RPS6KA2: variants seen among roughly 807,000 people sequenced by gnomAD.
The protein encoded by RPS6KA2 is ribosomal protein S6 kinase alpha-2.
Under a neutral mutation model 91.8 loss-of-function variants are expected in RPS6KA2, and 42 were observed. The ratio of observed to expected loss-of-function variants is 0.46; its 90% confidence interval spans 0.36 to 0.59. RPS6KA2 has a LOEUF of 0.59. Ranked by LOEUF, RPS6KA2 falls within the 20% of genes least tolerant of loss-of-function variation. The pLI, the probability that RPS6KA2 is intolerant of heterozygous loss-of-function variation, is 0.00. For synonymous variants in RPS6KA2, 414 were observed against 393.6 expected (o/e 1.05, Z -0.61); for missense variants, 798 against 978.5 (o/e 0.82, Z 2.46).
intron 2 of RPS6KA2, among the ~76,000 whole-genome samples, chr6:166,854,577 T>C (rs1254520494): frequency 6.6e-6 from 1 of 152,250 alleles, no homozygotes; most frequent in African/African-American, 2.4e-5. Flanking sequence ...TGCTGCTGAC[T>C]TGAATGATTT....
At chr6:166,774,396 C>G (rs979164635) in intron 2 of RPS6KA2, among the ~76,000 whole-genome samples, 14 of 152,214 alleles carry the variant, frequency 9.2e-5, no homozygotes, top group African/African-American at 3.4e-4. Flanking sequence ...TGGACACTTT[C>G]AAGTGGTGCT....
At position 166,533,229 on chromosome 6, in the gene RPS6KA2, A is replaced by G. The variant is rs574310600; in HGVS notation, c.217-1916T>C. Among the ~76,000 whole-genome samples the G allele has an allele frequency of 6.6e-6, 1 of 152,000 alleles. No homozygotes were observed. Among genetic ancestry groups the G allele is most frequent in the East Asian group, 1.9e-4 (1 of 5,176 alleles). On this transcript the variant is annotated intron_variant, in intron 2 of 20. Coordinates refer to ENST00000265678, the MANE Select transcript of RPS6KA2 (RefSeq NM_021135.6). The surrounding 1 kb of genome is among the most constrained non-coding windows in gnomAD (Gnocchi z 4.0). ...ACAGTTTTAGCTTCCATCTGATGCA[A>G]CTCCTTTCATTTCTCCAGCCCGTCC...
intron 12 of RPS6KA2, among the ~76,000 whole-genome samples, chr6:166,453,849 C>G (rs928954051): frequency 6.6e-6 from 1 of 152,170 alleles, no homozygotes. Context: ...TACATATACG[C>G]AATGGAATAC....
chr6:166,682,659 C>G (rs1788864689), intron 2 of RPS6KA2, among the ~76,000 whole-genome samples: 1 of 152,216 alleles, frequency 6.6e-6, no homozygotes, highest in Non-Finnish European at 1.5e-5. Context: ...GAGATAAACA[C>G]TAGCAACAAC....
At chr6:166,560,307 TC>T (rs1262455785) in intron 1 of RPS6KA2, among the ~76,000 whole-genome samples, 1 of 152,240 alleles carries the variant, frequency 6.6e-6, no homozygotes, top group Non-Finnish European at 1.5e-5. Context: ...GGTTTTTATT[TC>T]AAAGAACAAC....
chr6:166,806,560 T>C (rs1380678207), intron 2 of RPS6KA2, among the ~76,000 whole-genome samples: 1 of 152,136 alleles, frequency 6.6e-6, no homozygotes, highest in Admixed American at 6.5e-5. Context: ...AAGAAGAAAT[T>C]AAGACATTCC....
In RPS6KA2 at chr6:166,638,721, C is replaced by T. The variant is rs560235318; in HGVS notation, c.124-99937G>A. On this transcript the variant is annotated intron_variant, in intron 2 of 21. Transcript: ENST00000503859. ...GCGGTAGAGGATGGGTCCCAGGGGACGTCTGGCAGTGTTAGAGACATTTTT... is the reference window on the plus strand; with the variant it reads ...GCGGTAGAGGATGGGTCCCAGGGGATGTCTGGCAGTGTTAGAGACATTTTT... Among the ~76,000 whole-genome samples, 20 of 152,268 alleles carry T rather than the reference C, an allele frequency of 1.3e-4. No homozygotes were observed. In the South Asian group the frequency reaches 3.9e-3, roughly 30 times the overall value.
chr6:166,488,728 G>C, intron 10 of RPS6KA2, 105 bp downstream of exon 10: 1 of 799,770 alleles, frequency 1.3e-6, no homozygotes, highest in South Asian at 1.5e-5. Context: ...AGTGACCTTG[G>C]TTGGCATTGG....
chr6:166,831,531 A>C (rs2128626585), intron 2 of RPS6KA2, among the ~76,000 whole-genome samples: 1 of 152,000 alleles, frequency 6.6e-6, no homozygotes, highest in East Asian at 1.9e-4. Context: ...GCACCTCTTC[A>C]CAGGCTCCTT....
At chr6:166,414,957 T>TG (rs1283672342) in intron 19 of RPS6KA2, among the ~76,000 whole-genome samples, 2 of 152,102 alleles carry the variant, frequency 1.3e-5, no homozygotes, top group Admixed American at 6.5e-5. Flanking sequence ...CCCAGCTACC[T>TG]GGGGGGCTGA....
At chr6:166,591,398 G>A (rs1269294417) in intron 1 of RPS6KA2, among the ~76,000 whole-genome samples, 1 of 152,190 alleles carries the variant, frequency 6.6e-6, no homozygotes, top group East Asian at 1.9e-4. Context: ...GAAAAAAGAC[G>A]TGTTGCATGT....
intron 2 of RPS6KA2, among the ~76,000 whole-genome samples, chr6:166,787,442 C>A (rs570081368): frequency 6.6e-6 from 1 of 151,624 alleles, no homozygotes. Context: ...TATCTAGATA[C>A]TGATGATAAA....
intron 2 of RPS6KA2, among the ~76,000 whole-genome samples, chr6:166,680,626 C>A (rs1259727890): frequency 6.6e-6 from 1 of 152,202 alleles, no homozygotes. Flanking sequence ...CTGGACGTGC[C>A]AACCTTATGA....
chr6:166,487,687 TTTAA>T (rs1336616762), intron 10 of RPS6KA2, among the ~76,000 whole-genome samples: 3 of 152,256 alleles, frequency 2.0e-5, no homozygotes, highest in Admixed American at 1.3e-4. Context: ...TGTAAATGTG[TTTAA>T]TTAGGTGAAT....
chr6:166,615,125 C>T (rs1039740794), intron 1 of RPS6KA2, among the ~76,000 whole-genome samples: 2 of 152,208 alleles, frequency 1.3e-5, no homozygotes, highest in African/African-American at 2.4e-5. Flanking sequence ...CCATTGAAAT[C>T]CCAGCAGGAT....
intron 1 of RPS6KA2, among the ~76,000 whole-genome samples, chr6:166,618,037 C>T (rs879504707): frequency 6.6e-5 from 10 of 152,246 alleles, no homozygotes; most frequent in African/African-American, 1.9e-4. Context: ...ACGTGAAGCT[C>T]TGCAGACTCG....
chr6:166,860,369 TG>T (rs1373816148), intron 1 of RPS6KA2, among the ~76,000 whole-genome samples: 1 of 152,232 alleles, frequency 6.6e-6, no homozygotes, highest in Non-Finnish European at 1.5e-5. Context: ...TGCCCTCTCC[TG>T]GGGCTGGCAA....
chr6:166,831,812 AGAT>A (rs1780189657), intron 2 of RPS6KA2, among the ~76,000 whole-genome samples: 1 of 151,562 alleles, frequency 6.6e-6, no homozygotes, highest in Admixed American at 6.6e-5. Flanking sequence ...ATAGATAGAT[AGAT>A]GATAGATAGT....
At chr6:166,528,944 G>C (rs1783159920) in intron 3 of RPS6KA2, among the ~76,000 whole-genome samples, 1 of 152,224 alleles carries the variant, frequency 6.6e-6, no homozygotes, top group South Asian at 2.1e-4. Flanking sequence ...AGGATGTGGA[G>C]AAATAGGAAC....
Sources: gnomAD v4.1 joint callset for allele counts (sites outside exome capture counted in the v4.1 genomes callset) on GRCh38, gnomAD v4.1.1 for gene constraint, Gnocchi (gnomAD v3.1) non-coding constraint, MANE v1.5 for transcripts, NCBI Gene and HGNC (gene_info 2026-07-23, HGNC 2026-07-21) for gene names.